PPARGC1A: variants seen among roughly 807,000 people sequenced by gnomAD.
The protein encoded by PPARGC1A is peroxisome proliferator-activated receptor gamma coactivator 1-alpha.
PPARGC1A carries 25 observed loss-of-function variants against 88.7 expected under a neutral mutation model. The observed-to-expected ratio is 0.28, with a 90% CI of 0.21 to 0.39. The LOEUF (loss-of-function observed/expected upper bound fraction) is 0.39. Among genes scored for constraint, PPARGC1A ranks in the 10% least tolerant of loss-of-function variants. PPARGC1A has a pLI of 1.00. For missense variants in PPARGC1A, 880 were observed against 968.7 expected, an observed-to-expected ratio of 0.91 and a Z score of 1.22; for synonymous variants, 363 against 355.6, an observed-to-expected ratio of 1.02 and a Z score of -0.24.
the PPARGC1A span, among the ~76,000 whole-genome samples, chr4:24,311,068 G>A: frequency 5.1e-5 from 7 of 138,306 alleles, no homozygotes; most frequent in African/African-American, 1.8e-4. Context: ...ACATAGAATA[G>A]TAAGTTATAT....
At chr4:24,300,606 G>C in the PPARGC1A span, among the ~76,000 whole-genome samples, 9 of 151,988 alleles carry the variant, frequency 5.9e-5, no homozygotes, top group African/African-American at 1.9e-4. Flanking sequence ...GTTTATATGT[G>C]ACAGAGAACA....
At chr4:24,210,025 A>G in the PPARGC1A span, among the ~76,000 whole-genome samples, 1 of 152,216 alleles carries the variant, frequency 6.6e-6, no homozygotes, top group African/African-American at 2.4e-5. Flanking sequence ...TCAAGATTGT[A>G]TGACAAATCA....
chr4:24,160,897 A>G, the PPARGC1A span, among the ~76,000 whole-genome samples: 3 of 152,190 alleles, frequency 2.0e-5, no homozygotes, highest in Non-Finnish European at 4.4e-5. Context: ...CCGGTAGCCA[A>G]TGTGATACAG....
chr4:24,432,718 T>C, the PPARGC1A span, among the ~76,000 whole-genome samples: 2 of 152,168 alleles, frequency 1.3e-5, no homozygotes, highest in Admixed American at 1.3e-4. Context: ...CCTCTGTGAG[T>C]GTCTTGTCTA....
At chr4:24,313,490 G>A in the PPARGC1A span, among the ~76,000 whole-genome samples, 3,652 of 152,236 alleles carry the variant, frequency 0.024, 71 homozygotes, top group Non-Finnish European at 0.036. Flanking sequence ...TTCACATTGC[G>A]GTATACTGCA....
chr4:24,036,511 C>G, the PPARGC1A span, among the ~76,000 whole-genome samples: 4,643 of 151,340 alleles, frequency 0.031, 205 homozygotes, highest in African/African-American at 0.1. Flanking sequence ...AGGAGAGGGA[C>G]GAAGTGAAAT....
At chr4:23,886,906 A>T (rs915834253) in intron 1 of PPARGC1A, among the ~76,000 whole-genome samples, 5 of 152,126 alleles carry the variant, frequency 3.3e-5, no homozygotes, top group Non-Finnish European at 4.4e-5. Context: ...CACAAAAGTA[A>T]AAATAATCAA....
chr4:24,456,633 G>A, the PPARGC1A span, among the ~76,000 whole-genome samples: 2 of 152,134 alleles, frequency 1.3e-5, no homozygotes, highest in Admixed American at 6.5e-5. Flanking sequence ...AGAAGGGTGA[G>A]AGATTAAGAG....
chr4:24,140,168 G>A, the PPARGC1A span, among the ~76,000 whole-genome samples: 3 of 152,290 alleles, frequency 2.0e-5, no homozygotes, highest in South Asian at 4.1e-4. Flanking sequence ...GCATGGGTGG[G>A]TAAGAGAATG....
the PPARGC1A span, among the ~76,000 whole-genome samples, chr4:24,093,483 G>C: frequency 1.3e-5 from 2 of 152,120 alleles, no homozygotes; most frequent in Non-Finnish European, 2.9e-5. Context: ...TACTTGCCCA[G>C]TTCCTCCCTT....
chr4:24,145,407 T>C, the PPARGC1A span, among the ~76,000 whole-genome samples: 1 of 152,174 alleles, frequency 6.6e-6, no homozygotes, highest in Non-Finnish European at 1.5e-5. Flanking sequence ...CATTTGACCA[T>C]CTCTGCTTAC....
At chr4:24,019,540 T>C in the PPARGC1A span, among the ~76,000 whole-genome samples, 1 of 152,234 alleles carries the variant, frequency 6.6e-6, no homozygotes, top group Admixed American at 6.5e-5. Context: ...AGTATTCTGA[T>C]GAGACACTAA....
At chr4:23,884,681 G>T (rs767885580) in intron 2 of PPARGC1A, 71 bp downstream of exon 2, 3 of 1,395,660 alleles carry the variant, frequency 2.1e-6, no homozygotes, top group Admixed American at 1.9e-5. Flanking sequence ...ATGCATTCAG[G>T]TCTATTACCA....
chr4:23,974,716 T>TCCGCCC, the PPARGC1A span, among the ~76,000 whole-genome samples: 1 of 150,232 alleles, frequency 6.7e-6, no homozygotes, highest in African/African-American at 2.4e-5. Context: ...CACTGCAAGT[T>TCCGCCC]CCGCCCCCCG....
At chr4:23,887,390 C>T (rs1278049587) in intron 1 of PPARGC1A, among the ~76,000 whole-genome samples, 1 of 152,210 alleles carries the variant, frequency 6.6e-6, no homozygotes, top group African/African-American at 2.4e-5. Context: ...CAATGCCAGA[C>T]TTAACAGTCC....
intron 2 of PPARGC1A, among the ~76,000 whole-genome samples, chr4:23,833,315 A>T (rs1273469124): frequency 6.6e-6 from 1 of 152,204 alleles, no homozygotes; most frequent in Non-Finnish European, 1.5e-5. Flanking sequence ...TAATTCATTG[A>T]TCTGCATTTA....
chr4:23,906,127 T>C (rs1418077195), upstream of PPARGC1A, among the ~76,000 whole-genome samples: 1 of 152,170 alleles, frequency 6.6e-6, no homozygotes, highest in Admixed American at 6.5e-5. Context: ...CACTGTTCTT[T>C]GCAGATCAAC....
chr4:24,111,101 A>G, the PPARGC1A span, among the ~76,000 whole-genome samples: 1 of 152,180 alleles, frequency 6.6e-6, no homozygotes, highest in Non-Finnish European at 1.5e-5. Flanking sequence ...CACATCTTGC[A>G]TTGCCCTAGG....
At chr4:24,255,401 A>G in the PPARGC1A span, among the ~76,000 whole-genome samples, 3 of 152,198 alleles carry the variant, frequency 2.0e-5, no homozygotes, top group Admixed American at 6.5e-5. Flanking sequence ...CACTCTCCCT[A>G]TATTCTGAAA....
Sources: allele counts gnomAD v4.1 joint callset (sites outside exome capture counted in the v4.1 genomes callset), GRCh38; gene constraint gnomAD v4.1.1; transcripts MANE v1.5; gene names NCBI Gene and HGNC (gene_info 2026-07-23, HGNC 2026-07-21).